ZC3H12B: variants seen among roughly 807,000 people sequenced by gnomAD.
ZC3H12B encodes the protein zinc finger CCCH-type containing 12B, also known as probable ribonuclease ZC3H12B.
A neutral mutation model predicts 43.9 loss-of-function variants in ZC3H12B; 7 were observed. The ratio of observed to expected loss-of-function variants is 0.16; its 90% confidence interval spans 0.09 to 0.30. ZC3H12B has a LOEUF of 0.30. ZC3H12B is among the 10% of genes least tolerant of loss of function. The pLI is 1.00. For missense variants in ZC3H12B, 475 were observed against 670.2 expected, an observed-to-expected ratio of 0.71 and a Z score of 3.22; for synonymous variants, 222 against 241.7, an observed-to-expected ratio of 0.92 and a Z score of 0.76.
chrX:65,459,737 C>T (rs758704534), intron 3 of ZC3H12B, among the ~76,000 whole-genome samples: 12 of 111,375 alleles, frequency 1.1e-4, no homozygotes, highest in African/African-American at 3.9e-4. Flanking sequence ...TATGACAACC[C>T]CACAGCCAAT....
At chrX:65,238,457 T>C in the ZC3H12B span, among the ~76,000 whole-genome samples, 2 of 110,428 alleles carry the variant, frequency 1.8e-5, no homozygotes, top group Non-Finnish European at 3.8e-5. Flanking sequence ...TTTATCATTT[T>C]TGCTTGTGGC....
At chrX:65,198,974 G>A in the ZC3H12B span, among the ~76,000 whole-genome samples, 2 of 110,496 alleles carry the variant, frequency 1.8e-5, no homozygotes, top group African/African-American at 6.6e-5. Context: ...TTACAAGCAT[G>A]CATCGTCACC....
the ZC3H12B span, among the ~76,000 whole-genome samples, chrX:65,233,951 A>T: frequency 8.9e-6 from 1 of 111,748 alleles, no homozygotes; most frequent in Non-Finnish European, 1.9e-5. Context: ...CCAATTATTT[A>T]AAGAAGAACT....
intron 3 of ZC3H12B, among the ~76,000 whole-genome samples, chrX:65,401,627 C>A (rs1301029609): frequency 8.9e-6 from 1 of 111,947 alleles, no homozygotes; most frequent in African/African-American, 3.2e-5. Flanking sequence ...TCTGAAATCA[C>A]CACATTTCTA....
At chrX:65,481,918 T>C (rs959782869) in intron 3 of ZC3H12B, among the ~76,000 whole-genome samples, 3 of 111,765 alleles carry the variant, frequency 2.7e-5, no homozygotes, top group African/African-American at 9.8e-5. Context: ...TCCAATTTCA[T>C]CTGGGAGATT....
intron 3 of ZC3H12B, among the ~76,000 whole-genome samples, chrX:65,474,641 C>T (rs544107856): frequency 6.4e-5 from 7 of 109,769 alleles, no homozygotes; most frequent in South Asian, 4.0e-4. Context: ...GACAGAGTCT[C>T]GCTGTGTTGC....
At chrX:65,355,865 G>A in the ZC3H12B span, among the ~76,000 whole-genome samples, 1 of 111,216 alleles carries the variant, frequency 9.0e-6, no homozygotes, top group African/African-American at 3.3e-5. Flanking sequence ...TGAGACAGGA[G>A]AATCACTTGA....
chrX:65,347,521 C>G, the ZC3H12B span, among the ~76,000 whole-genome samples: 1 of 112,086 alleles, frequency 8.9e-6, no homozygotes, highest in East Asian at 2.8e-4. Context: ...AAATGCAAAT[C>G]AAAACCACAA....
the ZC3H12B span, among the ~76,000 whole-genome samples, chrX:65,072,731 C>T: frequency 7.1e-5 from 8 of 112,150 alleles, no homozygotes; most frequent in African/African-American, 2.6e-4. Flanking sequence ...TTCACATGTC[C>T]TAGCAGCAGT....
At chrX:65,133,577 A>G in the ZC3H12B span, among the ~76,000 whole-genome samples, 1 of 111,469 alleles carries the variant, frequency 9.0e-6, no homozygotes, top group Non-Finnish European at 1.9e-5. Context: ...CTTTAAGAAG[A>G]AATTGTTGGG....
the ZC3H12B span, among the ~76,000 whole-genome samples, chrX:65,109,357 C>T: frequency 1.8e-5 from 2 of 111,632 alleles, no homozygotes; most frequent in Admixed American, 9.5e-5. Context: ...CCCTAATCAA[C>T]GCATTTCCTC....
chrX:65,436,721 G>A lies in ZC3H12B; in HGVS notation n.407+38017G>A, dbSNP rs192634018. Among the ~76,000 whole-genome samples the A allele has an allele frequency of 1.6e-3, 181 of 111,234 alleles. 2 individuals are homozygous for A. The highest frequency in any genetic ancestry group is 2.2e-3 in the Non-Finnish European group (117 of 53,097). On this transcript the variant is annotated intron_variant and non_coding_transcript_variant, in intron 3 of 5. Transcript: ENST00000617377. Reference sequence around the variant, plus strand: ...TAAACTGTGTGGGTACATAGTAGGTGTATATATTTATGGGGTACCTAAGAT... The same window carrying A: ...TAAACTGTGTGGGTACATAGTAGGTATATATATTTATGGGGTACCTAAGAT...
At chrX:65,243,841 G>T in the ZC3H12B span, among the ~76,000 whole-genome samples, 5 of 111,457 alleles carry the variant, frequency 4.5e-5, no homozygotes, top group East Asian at 1.4e-3. Context: ...GGAATTAGAG[G>T]ACATTATATT....
At chrX:65,439,052 A>G (rs1419563318) in intron 3 of ZC3H12B, among the ~76,000 whole-genome samples, 1 of 112,482 alleles carries the variant, frequency 8.9e-6, no homozygotes, top group African/African-American at 3.2e-5. Flanking sequence ...AAAGACAAAC[A>G]ACAGAGATTA....
At chrX:65,146,981 G>T in the ZC3H12B span, among the ~76,000 whole-genome samples, 1 of 111,908 alleles carries the variant, frequency 8.9e-6, no homozygotes, top group East Asian at 2.8e-4. Flanking sequence ...GCCTCCACAT[G>T]CCACTCTGTC....
At chrX:65,041,533 C>T in the ZC3H12B span, among the ~76,000 whole-genome samples, 12 of 112,247 alleles carry the variant, frequency 1.1e-4, no homozygotes, top group South Asian at 4.5e-3. Flanking sequence ...AGGATTTGAA[C>T]GTCACTTAGT....
At chrX:65,129,229 T>C in the ZC3H12B span, among the ~76,000 whole-genome samples, 1 of 94,242 alleles carries the variant, frequency 1.1e-5, no homozygotes, top group Non-Finnish European at 1.9e-5. Flanking sequence ...TTTTAATGGC[T>C]CTATTATATA....
At chrX:65,107,159 G>T in the ZC3H12B span, among the ~76,000 whole-genome samples, 5 of 111,587 alleles carry the variant, frequency 4.5e-5, no homozygotes, top group Non-Finnish European at 9.4e-5. Context: ...GATTAGGAAG[G>T]ACCTTGAATG....
At chrX:65,205,778 T>C in the ZC3H12B span, among the ~76,000 whole-genome samples, 2 of 111,401 alleles carry the variant, frequency 1.8e-5, no homozygotes, top group Admixed American at 1.9e-4. Context: ...CCCTAAAGAC[T>C]CATCCAAAAA....
Sources: allele counts gnomAD v4.1 joint callset (sites outside exome capture counted in the v4.1 genomes callset), GRCh38; gene constraint gnomAD v4.1.1; transcripts MANE v1.5; gene names NCBI Gene and HGNC (gene_info 2026-07-23, HGNC 2026-07-21).